RAPGEF5: variants seen among roughly 807,000 people sequenced by gnomAD.
RAPGEF5 encodes the protein Rap guanine nucleotide exchange factor 5, also known as M-Ras-regulated GEF.
In RAPGEF5, 65 loss-of-function variants were observed where a neutral mutation model predicts 125.2. The ratio of observed to expected loss-of-function variants is 0.52; its 90% CI spans 0.43 to 0.64. The LOEUF is 0.64. Ranked by LOEUF, RAPGEF5 falls within the 30% of genes least tolerant of loss-of-function variation. The pLI is 0.00. For missense variants in RAPGEF5, 958 were observed against 1,048.1 expected (o/e 0.91, Z 1.19); for synonymous variants, 391 against 385.9 (o/e 1.01, Z -0.16).
At chr7:22,257,670 C>G (rs1360556676) in intron 7 of RAPGEF5, among the ~76,000 whole-genome samples, 1 of 152,188 alleles carries the variant, frequency 6.6e-6, no homozygotes. Flanking sequence ...CACAGTGAAT[C>G]AGTCAGGTAT....
At chr7:22,245,936 T>C (rs146086216) in intron 7 of RAPGEF5, among the ~76,000 whole-genome samples, 63 of 152,182 alleles carry the variant, frequency 4.1e-4, no homozygotes, top group African/African-American at 1.1e-3. Flanking sequence ...ACACCAATAA[T>C]GTTCAGGAAG....
chr7:22,308,439 A>G lies in RAPGEF5; in HGVS notation c.580T>C (p.Leu194=). 1 of 1,577,850 alleles carries G rather than the reference A, an allele frequency of 6.3e-7. No individual in the cohort carries two copies. The highest frequency in any genetic ancestry group is 8.6e-7 in the Non-Finnish European group (1 of 1,159,848). ...TCTTCTCTTTCAAATTCACAGTACA[A>G]GTAGCTACATTCATCAGAGGAAAAC... The part of the protein sequence containing the change: ...YQFSSDECSY[L]YCEFEREEEW... Residue 194 remains leucine, a synonymous_variant, in exon 5 of 26, where the codon TTG becomes CTG. Transcript: ENST00000665637.
At chr7:22,134,113 T>C (rs1783006169) in intron 23 of RAPGEF5, among the ~76,000 whole-genome samples, 2 of 152,140 alleles carry the variant, frequency 1.3e-5, no homozygotes, top group African/African-American at 4.8e-5. Flanking sequence ...ATTGAAACTT[T>C]AAATTATGTG....
At position 22,238,136 on chromosome 7, in the gene RAPGEF5, G is replaced by A. The variant is rs142033202; in HGVS notation, c.797-7217C>T. Among the ~76,000 whole-genome samples the A allele has an allele frequency of 6.8e-4, 104 of 152,308 alleles. No individual in the cohort carries two copies. In the East Asian group the frequency reaches 0.019, roughly 28 times the overall value. On this transcript the variant is annotated intron_variant, in intron 7 of 25. Transcript: ENST00000665637. ...GGTCCTGGCAAGACTGCACTGAGCC[G>A]TGTGGCCATTGAGGGCAGGTTAATA...
chr7:22,266,468 G>A (rs543245635), intron 7 of RAPGEF5, among the ~76,000 whole-genome samples: 66 of 152,014 alleles, frequency 4.3e-4, no homozygotes, highest in Admixed American at 2.6e-3. Context: ...TATCCTATAG[G>A]TATGAGGAAT....
intron 6 of RAPGEF5, among the ~76,000 whole-genome samples, chr7:22,272,694 T>A (rs531123171): frequency 1.0e-3 from 157 of 152,316 alleles, no homozygotes; most frequent in Middle Eastern, 3.4e-3. Flanking sequence ...TAAGCTAGTA[T>A]GGACTTTAAG....
At chr7:22,190,842 G>C (rs1784971435) in intron 11 of RAPGEF5, among the ~76,000 whole-genome samples, 1 of 152,148 alleles carries the variant, frequency 6.6e-6, no homozygotes, top group African/African-American at 2.4e-5. Flanking sequence ...CAGCCTCCAG[G>C]ACCATTCCTT....
chr7:22,288,784 T>G (rs1782861330), intron 6 of RAPGEF5, among the ~76,000 whole-genome samples: 1 of 152,194 alleles, frequency 6.6e-6, no homozygotes, highest in Non-Finnish European at 1.5e-5. Flanking sequence ...GTTTTTGAAG[T>G]CATCTTTCTT....
intron 7 of RAPGEF5, among the ~76,000 whole-genome samples, chr7:22,242,999 C>G (rs1045484055): frequency 6.7e-6 from 1 of 148,980 alleles, no homozygotes; most frequent in African/African-American, 2.5e-5. Flanking sequence ...GAGTTCAAAT[C>G]AGAAACAACT....
intron 14 of RAPGEF5, among the ~76,000 whole-genome samples, chr7:22,158,704 C>A (rs1783890856): frequency 1.5e-4 from 1 of 6,896 alleles, no homozygotes; most frequent in East Asian, 0.017. Context: ...CTCTTCACTG[C>A]AGCCTTGACC....
At chr7:22,212,789 G>A (rs1235339032) in intron 9 of RAPGEF5, among the ~76,000 whole-genome samples, 1 of 152,158 alleles carries the variant, frequency 6.6e-6, no homozygotes, top group Non-Finnish European at 1.5e-5. Flanking sequence ...CCTTGATGGG[G>A]GTAGAGAAGA....
At chr7:22,322,436 C>T (rs1235417982) in intron 1 of RAPGEF5, among the ~76,000 whole-genome samples, 2 of 151,978 alleles carry the variant, frequency 1.3e-5, no homozygotes, top group East Asian at 1.9e-4. Flanking sequence ...TGTGAGCTAC[C>T]GCACCCAGCC....
At chr7:22,255,119 C>G (rs956270057) in intron 7 of RAPGEF5, among the ~76,000 whole-genome samples, 1 of 152,036 alleles carries the variant, frequency 6.6e-6, no homozygotes, top group African/African-American at 2.4e-5. Context: ...ATGCCCACCC[C>G]AAATGCCTAT....
At chr7:22,326,850 G>A (rs1204617476) in intron 1 of RAPGEF5, among the ~76,000 whole-genome samples, 1 of 152,202 alleles carries the variant, frequency 6.6e-6, no homozygotes, top group Non-Finnish European at 1.5e-5. Context: ...TCTGCTGAGA[G>A]AGTAGATCTT....
At chr7:22,301,570 G>A (rs1037811247) in intron 5 of RAPGEF5, among the ~76,000 whole-genome samples, 4 of 147,210 alleles carry the variant, frequency 2.7e-5, no homozygotes, top group Non-Finnish European at 3.0e-5. Flanking sequence ...AGCCGAGATC[G>A]TGCCACTGCA....
At chr7:22,308,552 TACTC>T in intron 4 of RAPGEF5, 45 bp from the exon 5 acceptor site, 1 of 1,375,188 alleles carries the variant, frequency 7.3e-7, no homozygotes, top group Non-Finnish European at 9.7e-7. Context: ...TAAAAGATAT[TACTC>T]AGAGAGTAAT....
At chr7:22,316,261 C>T (rs1430644349) in intron 2 of RAPGEF5, among the ~76,000 whole-genome samples, 2 of 151,510 alleles carry the variant, frequency 1.3e-5, no homozygotes, top group African/African-American at 2.4e-5. Flanking sequence ...AAGCTGTCTT[C>T]ATAAGGTTTA....
chr7:22,219,001 G>C (rs955446448), intron 9 of RAPGEF5, among the ~76,000 whole-genome samples: 7 of 152,082 alleles, frequency 4.6e-5, no homozygotes, highest in Non-Finnish European at 1.0e-4. Context: ...TAGACTTGGA[G>C]GAGAAAAAGC....
chr7:22,232,584 T>C (rs989243891), intron 7 of RAPGEF5, among the ~76,000 whole-genome samples: 1 of 152,192 alleles, frequency 6.6e-6, no homozygotes, highest in Non-Finnish European at 1.5e-5. Context: ...CCTCCCAAAG[T>C]GCTGGGATTA....
Sources: allele counts gnomAD v4.1 joint callset (sites outside exome capture counted in the v4.1 genomes callset), GRCh38; gene constraint gnomAD v4.1.1; transcripts MANE v1.5; gene names NCBI Gene and HGNC (gene_info 2026-07-23, HGNC 2026-07-21).